Variants in TENM2 observed in about 807,000 individuals in gnomAD.
The protein encoded by TENM2 is teneurin-2.
A neutral mutation model predicts 245.2 loss-of-function variants in TENM2; 52 were observed. The ratio of observed to expected loss-of-function variants is 0.21; its 90% CI spans 0.17 to 0.27. TENM2 has a LOEUF of 0.27. Among genes scored for constraint, TENM2 ranks in the 10% least tolerant of loss-of-function variants. The probability of loss-of-function intolerance (pLI) is 1.00; values close to 1 mark genes in which losing one functional copy is unlikely to be tolerated. For synonymous variants in TENM2, 1,363 were observed against 1,438.9 expected (o/e 0.95, Z 1.19); for missense variants, 3,046 against 3,666.8 (o/e 0.83, Z 4.37).
At chr5:167,321,605 G>C (rs1756726362) in intron 1 of TENM2, among the ~76,000 whole-genome samples, 1 of 152,038 alleles carries the variant, frequency 6.6e-6, no homozygotes, top group Admixed American at 6.6e-5. Context: ...GTTTGCTAAG[G>C]TAGAAGGGGA....
At chr5:167,630,756 C>A (rs1778812940) in intron 2 of TENM2, among the ~76,000 whole-genome samples, 1 of 152,144 alleles carries the variant, frequency 6.6e-6, no homozygotes, top group Admixed American at 6.5e-5. Flanking sequence ...AGGAATATAA[C>A]ATCTAAGAGT....
In TENM2 at chr5:168,021,497, C is replaced by T. The variant is rs758359382; in HGVS notation, c.1187-25930C>T. 1.2e-4 allele frequency among the ~76,000 whole-genome samples: 19 copies of T among 152,186 alleles called. 1 individual carries two copies. The highest frequency in any genetic ancestry group is 4.4e-5 in the Non-Finnish European group (3 of 68,038). The stretch of plus-strand genomic sequence containing the variant: ...GAAACCCACAGCCTTCCTTTCCTTG[C>T]GTGTTTGGAGTTTTTGCTTTATCCT... On this transcript the variant is annotated intron_variant, in intron 5 of 28. Transcript: ENST00000518659.
intron 2 of TENM2, among the ~76,000 whole-genome samples, chr5:167,444,169 A>G (rs1413113537): frequency 1.3e-5 from 2 of 152,124 alleles, no homozygotes; most frequent in African/African-American, 2.4e-5. Flanking sequence ...TTTGTCATAA[A>G]GAAGAACCAC....
chr5:168,022,748 C>T (rs1786267696), intron 5 of TENM2, among the ~76,000 whole-genome samples: 1 of 152,158 alleles, frequency 6.6e-6, no homozygotes, highest in Non-Finnish European at 1.5e-5. Context: ...TTTTATTTCC[C>T]ATCTTAACGG....
intron 4 of TENM2, among the ~76,000 whole-genome samples, chr5:167,959,241 C>T (rs1250198442): frequency 1.3e-5 from 2 of 149,144 alleles, no homozygotes; most frequent in Non-Finnish European, 3.0e-5. Flanking sequence ...GTCGCCCAGG[C>T]TGGAGTGCAG....
At chr5:167,785,531 CCCATGGGATGCTTCACTATCAT>C (rs1461464455) in intron 2 of TENM2, among the ~76,000 whole-genome samples, 3 of 152,146 alleles carry the variant, frequency 2.0e-5, no homozygotes, top group Admixed American at 2.0e-4. Context: ...AGAAACAGGA[CCCATGGGATGCTTCACTATCAT>C]CCATGTCTTG....
intron 1 of TENM2, among the ~76,000 whole-genome samples, chr5:167,373,515 A>C (rs570722554): frequency 6.6e-6 from 1 of 152,312 alleles, no homozygotes; most frequent in Non-Finnish European, 1.5e-5. Context: ...CATTGTCATA[A>C]ATTGGTTAAA....
At chr5:167,851,453 T>C (rs1770573254) in intron 2 of TENM2, among the ~76,000 whole-genome samples, 1 of 152,172 alleles carries the variant, frequency 6.6e-6, no homozygotes. Context: ...TATTGAAATA[T>C]TTGGTAAGGG....
In TENM2 at chr5:167,448,731, A is replaced by T. The variant is rs116258951; in HGVS notation, c.502+73258A>T. Among the ~76,000 whole-genome samples the T allele has an allele frequency of 7.9e-3, 1,195 of 152,072 alleles. 6 individuals are homozygous for T. The highest frequency in any genetic ancestry group is 0.011 in the Non-Finnish European group (776 of 68,006). On this transcript the variant is annotated intron_variant, in intron 2 of 28. Coordinates refer to ENST00000518659, the Ensembl canonical transcript of TENM2. ...TTGCAGGAACGTACCGAGAAAGTTT[A>T]CATGCTCAAATAAATAGGAACTCGA...
Position 167,947,426 on chromosome 5 carries a change from CA to C in TENM2, c.713-5161del, listed in dbSNP as rs1779719355. Among the ~76,000 whole-genome samples the C allele has an allele frequency of 5.9e-5, 9 of 152,220 alleles. No homozygotes were observed. In the South Asian group the frequency reaches 1.7e-3, roughly 28 times the overall value. On this transcript the variant is annotated intron_variant, in intron 3 of 28. Transcript: ENST00000518659. Reference sequence around the variant, plus strand: ...ATATCCATTTTACAAGTGAACGACTCAGAAAGAAAAATATGTCACTTTCCAG... The same window carrying C: ...ATATCCATTTTACAAGTGAACGACTCGAAAGAAAAATATGTCACTTTCCAG...
chr5:168,133,572 G>A (rs2152381708), intron 12 of TENM2, among the ~76,000 whole-genome samples: 1 of 152,314 alleles, frequency 6.6e-6, no homozygotes, highest in Non-Finnish European at 1.5e-5. Context: ...TCAAGGGACA[G>A]ATACAGCAGA....
intron 4 of TENM2, among the ~76,000 whole-genome samples, chr5:167,989,009 C>A (rs1414373629): frequency 1.3e-5 from 2 of 152,118 alleles, no homozygotes; most frequent in Middle Eastern, 3.2e-3. Flanking sequence ...GTTGCTAAAA[C>A]ATTTCTATTT....
intron 2 of TENM2, among the ~76,000 whole-genome samples, chr5:167,474,183 T>C (rs750757716): frequency 6.6e-6 from 1 of 152,228 alleles, no homozygotes; most frequent in Non-Finnish European, 1.5e-5. Flanking sequence ...TTGTCAAGTA[T>C]TTACTTACAG....
intron 2 of TENM2, among the ~76,000 whole-genome samples, chr5:167,396,531 G>C (rs1448065033): frequency 2.0e-5 from 3 of 152,148 alleles, no homozygotes; most frequent in African/African-American, 7.2e-5. Context: ...GTAATGTGGT[G>C]ATAAAATCTG....
intron 13 of TENM2, among the ~76,000 whole-genome samples, chr5:168,172,642 G>T (rs1204011415): frequency 6.6e-6 from 1 of 152,200 alleles, no homozygotes; most frequent in African/African-American, 2.4e-5. Context: ...ATAAGTGCTT[G>T]AACAACCTCC....
intron 3 of TENM2, among the ~76,000 whole-genome samples, chr5:167,878,237 C>G (rs111356194): frequency 4.6e-5 from 7 of 152,182 alleles, no homozygotes; most frequent in Non-Finnish European, 1.5e-5. Flanking sequence ...GTGGACACAA[C>G]AGATCTGTGT....
intron 2 of TENM2, among the ~76,000 whole-genome samples, chr5:167,537,585 T>C (rs1178816741): frequency 1.3e-5 from 2 of 152,242 alleles, no homozygotes; most frequent in Non-Finnish European, 2.9e-5. Flanking sequence ...TGATCATTTG[T>C]TCTTTTGTTC....
intron 2 of TENM2, among the ~76,000 whole-genome samples, chr5:167,616,673 G>C (rs1777805829): frequency 6.6e-6 from 1 of 152,092 alleles, no homozygotes; most frequent in African/African-American, 2.4e-5. Context: ...GAGAGAAGGA[G>C]AGAGGGAGGG....
At chr5:167,181,390 T>G in the TENM2 span, among the ~76,000 whole-genome samples, 1 of 151,862 alleles carries the variant, frequency 6.6e-6, no homozygotes, top group Non-Finnish European at 1.5e-5. Context: ...TTCTTTTGAA[T>G]CAACACAAGT....
Sources: allele counts gnomAD v4.1 joint callset (sites outside exome capture counted in the v4.1 genomes callset), GRCh38; gene constraint gnomAD v4.1.1; transcripts MANE v1.5; gene names NCBI Gene and HGNC (gene_info 2026-07-23, HGNC 2026-07-21).